ME1: variants seen among roughly 807,000 people sequenced by gnomAD.
ME1 encodes the protein NADP-dependent malic enzyme.
ME1 carries 74 observed loss-of-function variants against 66.4 expected under a neutral mutation model. That is an observed-to-expected ratio of 1.11 (90% CI 0.92 to 1.35). The LOEUF (loss-of-function observed/expected upper bound fraction) is 1.35, where lower values mean the gene tolerates loss of function less well. Among genes scored for constraint, ME1 ranks in the 40% most tolerant of loss-of-function variants. The pLI is 0.00. For missense variants in ME1, 750 were observed against 694.1 expected (o/e 1.08, Z -0.90); for synonymous variants, 251 against 235.6 (o/e 1.07, Z -0.60).
intron 5 of ME1, among the ~76,000 whole-genome samples, chr6:83,328,631 G>C (rs1172390582): frequency 6.6e-6 from 1 of 152,092 alleles, no homozygotes; most frequent in African/African-American, 2.4e-5. Flanking sequence ...ATTCAGTTTT[G>C]ATAATGGTTC....
chr6:83,326,651 A>G (rs1454114019), intron 5 of ME1, among the ~76,000 whole-genome samples: 1 of 152,238 alleles, frequency 6.6e-6, no homozygotes, highest in Non-Finnish European at 1.5e-5. Flanking sequence ...ATCACTGGTC[A>G]TTAGAGAAAT....
At chr6:83,377,564 C>T (rs1769317157) in intron 3 of ME1, among the ~76,000 whole-genome samples, 1 of 151,876 alleles carries the variant, frequency 6.6e-6, no homozygotes, top group South Asian at 2.1e-4. Flanking sequence ...TAAATTTAAC[C>T]CAATATTTGG....
rs755177845 is a variant in ME1 at position 83,228,975 on chromosome 6, G to T, written c.1027-44C>A. 2.3e-6 allele frequency: 3 copies of T among 1,303,720 alleles called. No homozygotes were observed. In the South Asian group the frequency reaches 3.8e-5, roughly 17 times the overall value. 80.8% of individuals were successfully genotyped at this position (1,303,720 alleles called of 1,614,324 possible). A position where few individuals can be genotyped will look rare whatever the true frequency, so the allele number is the denominator to read the frequency against. The stretch of plus-strand genomic sequence containing the variant: ...AAAAAATTAAGAATCTGCCAAACAT[G>T]TGAGGGTCAATAAATTTCGGTACAT... On this transcript the variant is annotated intron_variant, in intron 9 of 13. Coordinates refer to ENST00000369705, the MANE Select transcript of ME1 (RefSeq NM_002395.6).
rs1261084703 is a variant in ME1, at chr6:83,349,004, A to C, written c.439-2670T>G. 4.8e-4 allele frequency among the ~76,000 whole-genome samples: 71 copies of C among 148,872 alleles called. 1 individual carries two copies. The highest frequency in any genetic ancestry group is 8.4e-4 in the South Asian group (4 of 4,770). On this transcript the variant is annotated intron_variant, in intron 4 of 13. Transcript: ENST00000369705. Reference sequence around the variant, plus strand: ...TGTCTCAAAAAAAAAAAAAAAAACAAAAAACAAAAAACAGTGCATTCTTTC... The same window carrying C: ...TGTCTCAAAAAAAAAAAAAAAAACACAAAACAAAAAACAGTGCATTCTTTC...
chr6:83,220,798 G>A (rs144681329), intron 12 of ME1, among the ~76,000 whole-genome samples: 3 of 152,200 alleles, frequency 2.0e-5, no homozygotes, highest in African/African-American at 7.2e-5. Flanking sequence ...TCTGCTTTGT[G>A]CCTAGCATGG....
intron 3 of ME1, among the ~76,000 whole-genome samples, chr6:83,354,950 C>T (rs994107514): frequency 3.3e-5 from 5 of 152,120 alleles, no homozygotes; most frequent in Admixed American, 6.5e-5. Flanking sequence ...CCCAAAATTA[C>T]GTCAGTGCTA....
intron 6 of ME1, among the ~76,000 whole-genome samples, chr6:83,260,865 A>C (rs955527777): frequency 6.6e-6 from 1 of 152,152 alleles, no homozygotes; most frequent in African/African-American, 2.4e-5. Context: ...ACTGATGGGC[A>C]TTTAGGTTGA....
intron 7 of ME1, among the ~76,000 whole-genome samples, chr6:83,240,000 T>C (rs1790481096): frequency 6.6e-6 from 1 of 152,092 alleles, no homozygotes; most frequent in Non-Finnish European, 1.5e-5. Flanking sequence ...AGTTTCCTCA[T>C]CTGTAAAGTA....
At chr6:83,413,394 A>C (rs1770088085) in intron 1 of ME1, among the ~76,000 whole-genome samples, 1 of 152,134 alleles carries the variant, frequency 6.6e-6, no homozygotes, top group South Asian at 2.1e-4. Flanking sequence ...TCCTTTATGA[A>C]AATTTTTTCT....
At chr6:83,390,562 A>T (rs1204622832) in intron 3 of ME1, among the ~76,000 whole-genome samples, 4 of 152,110 alleles carry the variant, frequency 2.6e-5, no homozygotes, top group African/African-American at 9.7e-5. Flanking sequence ...ATTATAGGAG[A>T]AGCCATAATT....
At chr6:83,412,628 T>C (rs1443149198) in intron 1 of ME1, among the ~76,000 whole-genome samples, 1 of 151,888 alleles carries the variant, frequency 6.6e-6, no homozygotes, top group Non-Finnish European at 1.5e-5. Context: ...TGGATAAAAC[T>C]AAGGTATATC....
At chr6:83,304,071 T>C (rs1462621737) in intron 6 of ME1, among the ~76,000 whole-genome samples, 1 of 152,118 alleles carries the variant, frequency 6.6e-6, no homozygotes, top group Admixed American at 6.6e-5. Flanking sequence ...AAGTAATTTG[T>C]TTTATATGTT....
chr6:83,321,599 A>C (rs1021438136), intron 5 of ME1, among the ~76,000 whole-genome samples: 1 of 152,166 alleles, frequency 6.6e-6, no homozygotes, highest in African/African-American at 2.4e-5. Context: ...CTGCCTCTCT[A>C]GATTCCTCCT....
intron 1 of ME1, among the ~76,000 whole-genome samples, chr6:83,417,507 A>C (rs923526413): frequency 6.6e-6 from 1 of 152,010 alleles, no homozygotes; most frequent in African/African-American, 2.4e-5. Flanking sequence ...CAGCCTCCTA[A>C]GCAGGTGGGA....
chr6:83,220,918 T>C (rs1004286957), intron 12 of ME1, among the ~76,000 whole-genome samples: 1 of 152,180 alleles, frequency 6.6e-6, no homozygotes, highest in Non-Finnish European at 1.5e-5. Flanking sequence ...CCCAGCACTT[T>C]GGGAGGCCGA....
At chr6:83,399,338 C>G (rs1769800888) in intron 2 of ME1, among the ~76,000 whole-genome samples, 1 of 152,124 alleles carries the variant, frequency 6.6e-6, no homozygotes, top group Non-Finnish European at 1.5e-5. Flanking sequence ...GAACCATAAA[C>G]TTAACTAATA....
Position 83,305,780 on chromosome 6 carries a change from CA to C in ME1, c.704+9529del, listed in dbSNP as rs575298432. Among the ~76,000 whole-genome samples, 20 of 152,160 alleles carry C rather than the reference CA, an allele frequency of 1.3e-4. No homozygotes were observed. The East Asian group carries it at 3.9e-3, about 29-fold the overall frequency. On this transcript the variant is annotated intron_variant, in intron 6 of 13. Transcript: ENST00000369705. ...TTAGGGTTTCAATTTCCTACAGAAC[CA>C]AAAAAGTACCCTTAATTTCTGACCT...
chr6:83,231,157 G>T (rs1000587939), intron 9 of ME1, among the ~76,000 whole-genome samples: 1 of 151,988 alleles, frequency 6.6e-6, no homozygotes, highest in Non-Finnish European at 1.5e-5. Flanking sequence ...TATTTAAATT[G>T]CCTAGAATGG....
intron 2 of ME1, among the ~76,000 whole-genome samples, chr6:83,400,244 T>G (rs1266910342): frequency 1.3e-5 from 2 of 152,162 alleles, no homozygotes; most frequent in Non-Finnish European, 2.9e-5. Context: ...CATGAATGGC[T>G]TAGCACCAAT....
Sources: gnomAD v4.1 joint callset for allele counts (sites outside exome capture counted in the v4.1 genomes callset) on GRCh38, gnomAD v4.1.1 for gene constraint, MANE v1.5 for transcripts, NCBI Gene and HGNC (gene_info 2026-07-23, HGNC 2026-07-21) for gene names.